TRIM55: variants seen among roughly 807,000 people sequenced by gnomAD.
TRIM55 encodes the protein tripartite motif-containing protein 55.
Under a neutral mutation model 60.9 loss-of-function variants are expected in TRIM55, and 50 were observed. The ratio of observed to expected loss-of-function variants is 0.82; its 90% confidence interval spans 0.65 to 1.04. The LOEUF is 1.04. TRIM55 is among the 50% of genes least tolerant of loss of function. The pLI is 0.00. For missense variants in TRIM55, 681 were observed against 666.9 expected, an observed-to-expected ratio of 1.02 and a Z score of -0.23; for synonymous variants, 237 against 238.1, an observed-to-expected ratio of 1.00 and a Z score of 0.04.
chr8:66,145,700 AC>A (rs200606266), intron 4 of TRIM55, among the ~76,000 whole-genome samples: 1,919 of 151,730 alleles, frequency 0.013, 47 homozygotes, highest in African/African-American at 0.044. Context: ...TCACTCTGTC[AC>A]CCAGGCTGGA....
At chr8:66,159,938 C>G (rs1171561669) in intron 9 of TRIM55, among the ~76,000 whole-genome samples, 1 of 152,178 alleles carries the variant, frequency 6.6e-6, no homozygotes, top group Non-Finnish European at 1.5e-5. Context: ...ACTTCCTTAT[C>G]AGATAGATGT....
chr8:66,170,277 T>TA (rs553272703), intron 9 of TRIM55, among the ~76,000 whole-genome samples: 38 of 152,322 alleles, frequency 2.5e-4, no homozygotes, highest in African/African-American at 9.1e-4. Context: ...ACCATCATCC[T>TA]AGTTTCTGTC....
At chr8:66,155,878 A>G (rs1377218458) in intron 9 of TRIM55, among the ~76,000 whole-genome samples, 2 of 152,190 alleles carry the variant, frequency 1.3e-5, no homozygotes, top group African/African-American at 4.8e-5. Flanking sequence ...ACACAATGCA[A>G]TCGCCTCAAG....
the TRIM55 span, among the ~76,000 whole-genome samples, chr8:66,117,013 T>C: frequency 2.6e-5 from 4 of 152,232 alleles, no homozygotes; most frequent in African/African-American, 9.6e-5. Context: ...TTCAAATTCA[T>C]AACATTAAAC....
chr8:66,122,127 GTTA>G (rs1808655878), upstream of TRIM55, among the ~76,000 whole-genome samples: 1 of 152,144 alleles, frequency 6.6e-6, no homozygotes, highest in Non-Finnish European at 1.5e-5. Flanking sequence ...GAGGAAGGTG[GTTA>G]TTATTCATGT....
chr8:66,153,952 G>A (rs1429924641), intron 8 of TRIM55, 95 bp from the exon 9 acceptor site: 1 of 1,237,556 alleles, frequency 8.1e-7, no homozygotes, highest in Non-Finnish European at 1.1e-6. Flanking sequence ...GGAGCGCACA[G>A]TGTTCAAACC....
rs759255197 is a variant in TRIM55, at chr8:66,154,350, CT to C, written c.1524+18del. The C allele has an allele frequency of 3.8e-5, 61 of 1,611,624 alleles. No individual in the cohort carries two copies. Among genetic ancestry groups the C allele is most frequent in the Non-Finnish European group, 4.9e-5 (58 of 1,178,238 alleles). On this transcript the variant is annotated intron_variant, in intron 9 of 9. Transcript: ENST00000315962. ...TACTTCTCAGGTTAGTGATGATGCA[CT>C]TGTGTCTATGCTTTCCCGCGCCCCC...
chr8:66,136,258 C>T (rs1354708731), intron 3 of TRIM55, among the ~76,000 whole-genome samples: 1 of 152,184 alleles, frequency 6.6e-6, no homozygotes, highest in Non-Finnish European at 1.5e-5. Context: ...GACAGAAGAA[C>T]AGACTGGTGG....
chr8:66,134,159 G>T (rs1337280256), intron 2 of TRIM55, among the ~76,000 whole-genome samples: 1 of 152,140 alleles, frequency 6.6e-6, no homozygotes, highest in Non-Finnish European at 1.5e-5. Flanking sequence ...GATCTGTATA[G>T]CAACAAAACA....
chr8:66,174,442 T>C, intron 9 of TRIM55, 29 bp from the exon 10 acceptor site: 1 of 1,605,732 alleles, frequency 6.2e-7, no homozygotes, highest in Non-Finnish European at 8.5e-7. Flanking sequence ...ACCTCTTTTT[T>C]CTCTGATTCC....
intron 2 of TRIM55, among the ~76,000 whole-genome samples, chr8:66,130,094 G>A (rs1299710890): frequency 1.3e-5 from 2 of 152,166 alleles, no homozygotes; most frequent in Non-Finnish European, 2.9e-5. Context: ...CTTGAGACAT[G>A]AAAAAATAGC....
chr8:66,120,229 T>A, the TRIM55 span, among the ~76,000 whole-genome samples: 1 of 152,188 alleles, frequency 6.6e-6, no homozygotes, highest in Non-Finnish European at 1.5e-5. Context: ...AGCATCCCTT[T>A]CCTCTCTTCC....
intron 9 of TRIM55, among the ~76,000 whole-genome samples, chr8:66,163,826 T>C (rs879809667): frequency 1.4e-4 from 21 of 152,360 alleles, no homozygotes; most frequent in Non-Finnish European, 2.1e-4. Flanking sequence ...ACTATGTCCA[T>C]ATGGATTTTC....
chr8:66,115,532 G>A, the TRIM55 span, among the ~76,000 whole-genome samples: 4,551 of 152,310 alleles, frequency 0.03, 82 homozygotes, highest in Non-Finnish European at 0.045. Flanking sequence ...CAAAGGAATA[G>A]GAAGTAATGC....
chr8:66,154,443 C>A, intron 9 of TRIM55, 109 bp downstream of exon 9: 1 of 1,170,226 alleles, frequency 8.5e-7, no homozygotes, highest in Non-Finnish European at 1.2e-6. Flanking sequence ...AGAGAAACCT[C>A]AGCCAGGGGA....
chr8:66,115,363 T>C, the TRIM55 span, among the ~76,000 whole-genome samples: 2 of 152,244 alleles, frequency 1.3e-5, no homozygotes, highest in Admixed American at 1.3e-4. Context: ...AACATCAGGA[T>C]GTTCATAAAA....
At chr8:66,136,282 G>T (rs1416383661) in intron 3 of TRIM55, among the ~76,000 whole-genome samples, 1 of 152,150 alleles carries the variant, frequency 6.6e-6, no homozygotes, top group Admixed American at 6.5e-5. Context: ...CCTCACCCTT[G>T]CTCCTGTTTG....
intron 9 of TRIM55, among the ~76,000 whole-genome samples, chr8:66,164,139 A>G (rs527535792): frequency 6.6e-6 from 1 of 152,168 alleles, no homozygotes; most frequent in South Asian, 2.1e-4. Context: ...GGGGTGGGGC[A>G]CCTGGAGGGG....
At chr8:66,138,930 A>G (rs920245066) in intron 4 of TRIM55, among the ~76,000 whole-genome samples, 3 of 152,286 alleles carry the variant, frequency 2.0e-5, no homozygotes, top group Non-Finnish European at 4.4e-5. Context: ...CCATTTTCTA[A>G]ATGAGGGCTT....
Sources: gnomAD v4.1 joint callset for allele counts (sites outside exome capture counted in the v4.1 genomes callset) on GRCh38, gnomAD v4.1.1 for gene constraint, MANE v1.5 for transcripts, NCBI Gene and HGNC (gene_info 2026-07-23, HGNC 2026-07-21) for gene names.